The following ROBO3 variants were observed in gnomAD, a reference collection of about 807,000 sequenced individuals.
The protein encoded by ROBO3 is roundabout guidance receptor 3.
In ROBO3, 97 loss-of-function variants were observed where a neutral mutation model predicts 160.5. The ratio of observed to expected loss-of-function variants is 0.60; its 90% CI spans 0.51 to 0.72. The LOEUF (loss-of-function observed/expected upper bound fraction) is 0.72, where lower values mean the gene tolerates loss of function less well. Among genes scored for constraint, ROBO3 ranks in the 30% least tolerant of loss-of-function variants. ROBO3 has a pLI of 0.00. For missense variants in ROBO3, 1,858 were observed against 1,846.5 expected, an observed-to-expected ratio of 1.01 and a Z score of -0.11; for synonymous variants, 780 against 746.2, an observed-to-expected ratio of 1.05 and a Z score of -0.74.
rs2135331097 is a variant in ROBO3, at chr11:124,873,834, G to C, written c.1756G>C (p.Val586Leu). The change falls in exon 11 of 28, where the codon GTC (valine) becomes CTC (leucine). Residue 586 changes from valine to leucine, a missense_variant. By Grantham distance (32) the Val-to-Leu change is conservative. Coordinates refer to ENST00000397801, the MANE Select transcript of ROBO3 (RefSeq NM_022370.4). This position sits in a 1 kb window ranked among gnomAD's most constrained non-coding sequence, Gnocchi z 4.5. ...WKPNPQTGAA[V>L]TSYVIEAFSP... is the part of the protein sequence containing the mutation. ...GCCCAACCCACAAACTGGGGCTGCA[G>C]TCACGTCTTATGTGATAGAGGCCTT... 6.2e-7 allele frequency: 1 copy of C among 1,613,634 alleles called. No homozygotes were observed. The highest frequency in any genetic ancestry group is 2.2e-5 in the East Asian group (1 of 44,878).
rs1011029381 is a variant in ROBO3, at chr11:124,869,648, G to T, written c.645+41G>T. On this transcript the variant is annotated intron_variant, in intron 3 of 27. Transcript: ENST00000397801. This position sits in a 1 kb window ranked among gnomAD's most constrained non-coding sequence, Gnocchi z 4.2. ...TGATTGGAGACCCCAACAAGGGAGG[G>T]GACATAGGGTAGGGAGGTGACAAGG... The T allele has an allele frequency of 1.3e-6, 2 of 1,521,554 alleles. No homozygotes were observed. Among genetic ancestry groups the T allele is most frequent in the African/African-American group, 2.7e-5 (2 of 72,984 alleles). The allele number at this position is 1,521,554 out of a possible 1,614,324, so 94.3% of individuals were successfully genotyped here. A position where few individuals can be genotyped will look rare whatever the true frequency, so the allele number is the denominator to read the frequency against.
In ROBO3 at chr11:124,869,952, G is replaced by T. The variant is rs781112996; in HGVS notation, c.650G>T (p.Arg217Leu). The part of the protein sequence containing the change: ...LKEEEGRITI[R>L]GGKLMMSHTL... ...GTTACCATTATTGCTCTGCAGATCC[G>T]TGGAGGGAAGCTGATGATGTCACAT... The change falls in exon 4 of 28, where the codon CGT becomes CTT. Residue 217 changes from arginine to leucine, a missense_variant. Physicochemically the swap from Arg to Leu is moderately radical, Grantham distance 102 (BLOSUM62 -2). Coordinates refer to ENST00000397801, the MANE Select transcript of ROBO3 (RefSeq NM_022370.4). This position sits in a 1 kb window ranked among gnomAD's most constrained non-coding sequence, Gnocchi z 4.2. The T allele has an allele frequency of 3.7e-6, 6 of 1,603,800 alleles. No homozygotes were observed. Among genetic ancestry groups the T allele is most frequent in the Non-Finnish European group, 5.1e-6 (6 of 1,175,142 alleles).
In ROBO3 at chr11:124,872,174, A is replaced by ACT. The variant is rs1171425848; in HGVS notation, c.1159-207_1159-206insCT. Among the ~76,000 whole-genome samples, 3 of 152,236 alleles carry ACT rather than the reference A, an allele frequency of 2.0e-5. No individual in the cohort carries two copies. The highest frequency in any genetic ancestry group is 4.4e-5 in the Non-Finnish European group (3 of 68,036). On this transcript the variant is annotated intron_variant, in intron 7 of 27. Coordinates refer to ENST00000397801, the MANE Select transcript of ROBO3 (RefSeq NM_022370.4). This position sits in a 1 kb window ranked among gnomAD's most constrained non-coding sequence, Gnocchi z 4.3. ...CCCACTAGTAAGTCACGGAGCTGGGAAGTAGACTCTGAAATTGTCTAATAA... is the reference window on the plus strand; with the variant it reads ...CCCACTAGTAAGTCACGGAGCTGGGACTAGTAGACTCTGAAATTGTCTAATAA...
At chr11:124,877,740 C>G (rs765146800) in intron 20 of ROBO3, 82 bp downstream of exon 20, 7 of 1,545,356 alleles carry the variant, frequency 4.5e-6, no homozygotes, top group East Asian at 2.4e-5. Context: ...CCCGGGAGCC[C>G]GGTCTCTCTG....
At chr11:124,877,880 C>A (rs762390813) in intron 20 of ROBO3, 57 bp from the exon 21 acceptor site, 1 of 1,290,708 alleles carries the variant, frequency 7.7e-7, no homozygotes, top group Non-Finnish European at 1.1e-6. Flanking sequence ...GTCTTCCATT[C>A]TGTTGTCCTC....
Position 124,872,701 on chromosome 11 carries a change from C to A in ROBO3, c.1330+149C>A. 1.0e-6 allele frequency: 1 copy of A among 993,848 alleles called. No homozygotes were observed. Among genetic ancestry groups the A allele is most frequent in the Non-Finnish European group, 1.4e-6 (1 of 692,602 alleles). The allele number at this position is 993,848 out of a possible 1,614,324, so 61.6% of individuals were successfully genotyped here. On this transcript the variant is annotated intron_variant, in intron 8 of 27. Coordinates refer to ENST00000397801, the MANE Select transcript of ROBO3 (RefSeq NM_022370.4). This position sits in a 1 kb window ranked among gnomAD's most constrained non-coding sequence, Gnocchi z 4.3. Reference sequence around the variant, plus strand: ...GACCTTGAAGTTTGGAAACCAGCAGCAGAAGCCACTAATAATGGCTGGTCC... The same window carrying A: ...GACCTTGAAGTTTGGAAACCAGCAGAAGAAGCCACTAATAATGGCTGGTCC...
Position 124,865,644 on chromosome 11 carries a change from A to G in ROBO3, c.67A>G (p.Ile23Val), listed in dbSNP as rs375560854. Residue 23 changes from isoleucine to valine, a missense_variant, in exon 1 of 28, where the codon ATC becomes GTC. Ile to Val is a conservative substitution (Grantham distance 29). Transcript: ENST00000397801. The surrounding 1 kb of genome is among the most constrained non-coding windows in gnomAD (Gnocchi z 5.5). ...GTTCGCGGACTCTCTGGCCGGGGAC[A>G]TCTCCAACTCCAGCGAGCTGCTCTT... ...NLFADSLAGD[I>V]SNSSELLLGF... 1 of 1,613,006 alleles carries G rather than the reference A, an allele frequency of 6.2e-7. No individual in the cohort carries two copies. Among genetic ancestry groups the G allele is most frequent in the Non-Finnish European group, 8.5e-7 (1 of 1,179,720 alleles).
At chr11:124,877,852 C>T in intron 20 of ROBO3, 85 bp from the exon 21 acceptor site, 1 of 1,198,238 alleles carries the variant, frequency 8.3e-7, no homozygotes, top group Non-Finnish European at 1.2e-6. Context: ...AGAAGTTGAT[C>T]CCGTGGGATT....
chr11:124,868,950 T>C lies in ROBO3; in HGVS notation c.309T>C (p.Arg103=), dbSNP rs748701583. Residue 103 remains arginine (R), a synonymous_variant, in exon 2 of 28, where the codon CGT becomes CGC. Transcript: ENST00000397801. The part of the protein sequence containing the change: ...PNIEWYKNGA[R]VATVREDPRA... Reference sequence around the variant, plus strand: ...TTGAGTGGTACAAGAACGGGGCGCGTGTGGCCACTGTGCGGGAGGATCCGC... The same window carrying C: ...TTGAGTGGTACAAGAACGGGGCGCGCGTGGCCACTGTGCGGGAGGATCCGC... The C allele has an allele frequency of 1.2e-6, 2 of 1,605,260 alleles. No homozygotes were observed. The highest frequency in any genetic ancestry group is 1.7e-6 in the Non-Finnish European group (2 of 1,176,866).
At chr11:124,871,798 C>T (rs543722307) in intron 7 of ROBO3, among the ~76,000 whole-genome samples, 1 of 152,298 alleles carries the variant, frequency 6.6e-6, no homozygotes, top group East Asian at 1.9e-4. Context: ...AAATCGACAG[C>T]CACAATTTTC....
chr11:124,874,074 G>A lies in ROBO3; in HGVS notation c.1789G>A (p.Ala597Thr). The change falls in exon 12 of 28, where the codon GCA becomes ACA. Residue 597 changes from alanine (A) to threonine (T), a missense_variant. Transcript: ENST00000397801. ...GTCATCTCCTTCTTGTTGTAGCCCA[G>A]CAGCTGGCAACACATGGCGTACTGT... Reference protein sequence around the residue: ...TSYVIEAFSPAAGNTWRTVAD... With the variant: ...TSYVIEAFSPTAGNTWRTVAD... The A allele has an allele frequency of 6.2e-7, 1 of 1,613,900 alleles. No homozygotes were observed. The highest frequency in any genetic ancestry group is 8.5e-7 in the Non-Finnish European group (1 of 1,179,878).
intron 12 of ROBO3, 137 bp from the exon 13 acceptor site, chr11:124,874,651 C>G (rs1946326336): frequency 9.4e-7 from 1 of 1,068,898 alleles, no homozygotes; most frequent in African/African-American, 1.6e-5. Flanking sequence ...AGCTATTTTC[C>G]TGACCAGTCC....
chr11:124,869,692 G>T lies in ROBO3; in HGVS notation c.645+85G>T. On this transcript the variant is annotated intron_variant, in intron 3 of 27. Coordinates refer to ENST00000397801, the MANE Select transcript of ROBO3 (RefSeq NM_022370.4). This position sits in a 1 kb window ranked among gnomAD's most constrained non-coding sequence, Gnocchi z 4.2. ...GACAAGGCTGGAGATTGAGATCAGG[G>T]CATTAGCTAACCAGAGACTAAGAGT... 6.3e-6 allele frequency: 9 copies of T among 1,417,804 alleles called. No individual in the cohort carries two copies. Among genetic ancestry groups the T allele is most frequent in the Non-Finnish European group, 8.5e-6 (9 of 1,053,744 alleles). The allele number at this position is 1,417,804 out of a possible 1,614,324, so 87.8% of individuals were successfully genotyped here.
In ROBO3 at chr11:124,868,787, AC is replaced by A. The variant is rs751035522; in HGVS notation, c.161-10del. The stretch of plus-strand genomic sequence containing the variant: ...TTTCCCTGTCTGAACGCTCTGCGCC[AC>A]CCCCTGTCCCCAGGGTCAAGGGTAG... On this transcript the variant is annotated splice_polypyrimidine_tract_variant and intron_variant, in intron 1 of 27. Coordinates refer to ENST00000397801, the MANE Select transcript of ROBO3 (RefSeq NM_022370.4). 3.8e-6 allele frequency: 6 copies of A among 1,595,732 alleles called. No individual in the cohort carries two copies. The highest frequency in any genetic ancestry group is 5.1e-6 in the Non-Finnish European group (6 of 1,170,852).
At position 124,869,918 on chromosome 11, in the gene ROBO3, T is replaced by C. The variant is rs764441735; in HGVS notation, c.646-30T>C. ...TATATATACGCTGTGATAGCTGAAA[T>C]GGACCAAAGTTACCATTATTGCTCT... On this transcript the variant is annotated intron_variant, in intron 3 of 27. Coordinates refer to ENST00000397801, the MANE Select transcript of ROBO3 (RefSeq NM_022370.4). This position sits in a 1 kb window ranked among gnomAD's most constrained non-coding sequence, Gnocchi z 4.2. The C allele has an allele frequency of 1.3e-6, 2 of 1,569,352 alleles. No individual in the cohort carries two copies. Among genetic ancestry groups the C allele is most frequent in the South Asian group, 1.2e-5 (1 of 85,778 alleles).
At position 124,874,916 on chromosome 11, in the gene ROBO3, G is replaced by A. The variant is rs1409445962; in HGVS notation, c.2073+7G>A. The A allele has an allele frequency of 3.1e-6, 5 of 1,603,168 alleles. No individual in the cohort carries two copies. In the South Asian group the frequency reaches 4.5e-5, roughly 14 times the overall value. ...CCTGCAGGTGTCCTGGACTGTGAGT[G>A]TGGTATGGGGAGGAGATTCAGGGTG... On this transcript the variant is annotated splice_region_variant and intron_variant, in intron 13 of 27. Transcript: ENST00000397801.
rs1345799650 is a variant in ROBO3, at chr11:124,872,359, T to C, written c.1159-22T>C. 1 of 1,613,472 alleles carries C rather than the reference T, an allele frequency of 6.2e-7. No homozygotes were observed. Among genetic ancestry groups the C allele is most frequent in the East Asian group, 2.2e-5 (1 of 44,892 alleles). On this transcript the variant is annotated intron_variant, in intron 7 of 27. Transcript: ENST00000397801. The surrounding 1 kb of genome is among the most constrained non-coding windows in gnomAD (Gnocchi z 4.3). ...CCAGCTGCCTGCTCATTCCCTACCC[T>C]GGTTCCTTGCTCTGTCCCCAGGTCC...
chr11:124,868,460 C>G (rs1010028551), intron 1 of ROBO3: 13 of 583,380 alleles, frequency 2.2e-5, no homozygotes, highest in African/African-American at 1.9e-4. Flanking sequence ...GGCGAGGGAG[C>G]GGTCTACTCG....
Position 124,869,213 on chromosome 11 carries a change from C to G in ROBO3, c.487+85C>G. ...CTGGGCAATCAGACCCAGAACCAGC[C>G]CCAAAGGACTTCAGCCCACTCAGCA... On this transcript the variant is annotated intron_variant, in intron 2 of 27. Coordinates refer to ENST00000397801, the MANE Select transcript of ROBO3 (RefSeq NM_022370.4). The surrounding 1 kb of genome is among the most constrained non-coding windows in gnomAD (Gnocchi z 4.2). 1 of 1,388,946 alleles carries G rather than the reference C, an allele frequency of 7.2e-7. No homozygotes were observed. The allele number at this position is 1,388,946 out of a possible 1,614,324, so 86.0% of individuals were successfully genotyped here. A position where few individuals can be genotyped will look rare whatever the true frequency, so the allele number is the denominator to read the frequency against.
Sources: allele counts gnomAD v4.1 joint callset (sites outside exome capture counted in the v4.1 genomes callset), GRCh38; gene constraint gnomAD v4.1.1; non-coding constraint Gnocchi (gnomAD v3.1); transcripts MANE v1.5; gene names NCBI Gene and HGNC (gene_info 2026-07-23, HGNC 2026-07-21).